RIMKLB: variants seen among roughly 807,000 people sequenced by gnomAD.
RIMKLB encodes ribosomal modification protein rimK like family member B, also known as beta-citrylglutamate synthase B.
Under a neutral mutation model 32.0 loss-of-function variants are expected in RIMKLB, and 7 were observed. The observed-to-expected ratio is 0.22, with a 90% CI of 0.12 to 0.41. The LOEUF (loss-of-function observed/expected upper bound fraction) is 0.41. RIMKLB is among the 10% of genes least tolerant of loss of function. The pLI is 1.00. For missense variants in RIMKLB, 289 were observed against 498.7 expected, an observed-to-expected ratio of 0.58 and a Z score of 4.00; for synonymous variants, 172 against 185.1, an observed-to-expected ratio of 0.93 and a Z score of 0.57.
chr12:8,738,149 T>G (rs1947189248), intron 2 of RIMKLB, among the ~76,000 whole-genome samples: 1 of 152,162 alleles, frequency 6.6e-6, no homozygotes, highest in African/African-American at 2.4e-5. Flanking sequence ...CCTCAGGTGA[T>G]CCCAAGCCGA....
chr12:8,749,385 A>G (rs1168789776), intron 2 of RIMKLB, among the ~76,000 whole-genome samples: 1 of 151,966 alleles, frequency 6.6e-6, no homozygotes, highest in Non-Finnish European at 1.5e-5. Flanking sequence ...TAGTTTTTGT[A>G]TTTTTAGTAG....
At chr12:8,737,467 T>C (rs1337650746) in intron 2 of RIMKLB, among the ~76,000 whole-genome samples, 2 of 152,216 alleles carry the variant, frequency 1.3e-5, no homozygotes, top group African/African-American at 4.8e-5. Flanking sequence ...ATTTGATTAC[T>C]TGGTTAAGGT....
chr12:8,669,062 G>T, the RIMKLB span: 2 of 156,292 alleles, frequency 1.3e-5, no homozygotes, highest in African/African-American at 2.4e-5. Flanking sequence ...CCAAGCCTGG[G>T]TAAGTTATAA....
chr12:8,777,698 C>T (rs1014688651), downstream of RIMKLB: 6 of 1,286,954 alleles, frequency 4.7e-6, no homozygotes, highest in African/African-American at 6.1e-5. Context: ...TGAGAACTTT[C>T]GGGGTCAGTG....
chr12:8,765,548 C>G (rs112624025), intron 5 of RIMKLB, among the ~76,000 whole-genome samples: 5,004 of 152,246 alleles, frequency 0.033, 278 homozygotes, highest in African/African-American at 0.11. Context: ...TTGTAAACCA[C>G]CAATATAGCC....
intron 1 of RIMKLB, among the ~76,000 whole-genome samples, chr12:8,704,637 T>C (rs920556543): frequency 1.3e-5 from 2 of 152,164 alleles, no homozygotes; most frequent in African/African-American, 4.8e-5. Context: ...AGCACGTCTG[T>C]TAAGTGTTCC....
the RIMKLB span, among the ~76,000 whole-genome samples, chr12:8,669,946 G>A: frequency 3.4e-5 from 5 of 145,676 alleles, no homozygotes; most frequent in South Asian, 2.1e-4. Context: ...AGAATGGTGC[G>A]AACCCGGGAG....
chr12:8,741,155 G>A (rs1401149323), intron 2 of RIMKLB, among the ~76,000 whole-genome samples: 5 of 152,054 alleles, frequency 3.3e-5, no homozygotes, highest in Admixed American at 6.6e-5. Context: ...GCAGTGAGCC[G>A]AGACTGAGCC....
rs1950623207 is a variant in RIMKLB, at chr12:8,774,651, G to C, written c.*867G>C. ...CATCTTTAACAATGGCCAAAGTGAA[G>C]AAAATGCTACCTTTTTTGTTAACAA... is the stretch of plus-strand genomic sequence containing the variant. On this transcript the variant is annotated 3_prime_UTR_variant, in exon 6 of 6. Transcript: ENST00000535829. 1 of 981,848 alleles carries C rather than the reference G, an allele frequency of 1.0e-6. No individual in the cohort carries two copies. The highest frequency in any genetic ancestry group is 1.8e-5 in the African/African-American group (1 of 56,058). The allele number at this position is 981,848 out of a possible 1,614,324, so 60.8% of individuals were successfully genotyped here.
rs763452420 is a variant in RIMKLB at position 8,686,026 on chromosome 12, T to C, written n.219+4208T>C. Reference sequence around the variant, plus strand: ...TTTCACCATATTGGCCTGGATGGTCTCGAGCTCTTGACCTTGTGATCCGCC... The same window carrying C: ...TTTCACCATATTGGCCTGGATGGTCCCGAGCTCTTGACCTTGTGATCCGCC... On this transcript the variant is annotated intron_variant and non_coding_transcript_variant, in intron 1 of 1. Transcript: ENST00000538758. Among the ~76,000 whole-genome samples, 337 of 152,260 alleles carry C rather than the reference T, an allele frequency of 2.2e-3. 1 individual carries two copies. Among genetic ancestry groups the C allele is most frequent in the African/African-American group, 7.7e-3 (320 of 41,536 alleles).
At chr12:8,701,108 G>A (rs1943355592) in intron 1 of RIMKLB, among the ~76,000 whole-genome samples, 1 of 152,070 alleles carries the variant, frequency 6.6e-6, no homozygotes, top group Admixed American at 6.6e-5. Flanking sequence ...TAGAATCTGA[G>A]GGAGGAGGAG....
intron 1 of RIMKLB, among the ~76,000 whole-genome samples, chr12:8,686,628 C>G (rs1322198644): frequency 6.6e-6 from 1 of 151,514 alleles, no homozygotes; most frequent in African/African-American, 2.4e-5. Flanking sequence ...TACAGGCGCC[C>G]GCCACCACGC....
chr12:8,707,739 C>T (rs1944024939), intron 1 of RIMKLB, among the ~76,000 whole-genome samples: 1 of 152,170 alleles, frequency 6.6e-6, no homozygotes, highest in Non-Finnish European at 1.5e-5. Context: ...TACAGAAAGA[C>T]ATCATTTTGG....
In RIMKLB at chr12:8,775,033, A is replaced by G. The variant is rs957436077; in HGVS notation, c.*1249A>G. ...TTTCATAAGTAGACTCCACTGGGGT[A>G]GAGGTATTCACCTTAAAACATAGGG... On this transcript the variant is annotated 3_prime_UTR_variant, in exon 6 of 6. Transcript: ENST00000535829. 1.0e-5 allele frequency: 10 copies of G among 985,804 alleles called. No homozygotes were observed. Among genetic ancestry groups the G allele is most frequent in the Non-Finnish European group, 1.2e-5 (10 of 829,862 alleles). The allele number at this position is 985,804 out of a possible 1,614,324, so 61.1% of individuals were successfully genotyped here.
At chr12:8,731,289 G>C (rs1463372709) in intron 2 of RIMKLB, among the ~76,000 whole-genome samples, 1 of 151,092 alleles carries the variant, frequency 6.6e-6, no homozygotes, top group Non-Finnish European at 1.5e-5. Context: ...GTAGAGACAG[G>C]GTTTCGCCAC....
chr12:8,758,105 CATT>C (rs568188199), intron 5 of RIMKLB, among the ~76,000 whole-genome samples: 88 of 152,070 alleles, frequency 5.8e-4, no homozygotes, highest in Non-Finnish European at 9.6e-4. Context: ...CCTGTCATGT[CATT>C]ATTTTAATTT....
chr12:8,764,157 TAAC>T (rs1361428181), intron 5 of RIMKLB, among the ~76,000 whole-genome samples: 1 of 152,142 alleles, frequency 6.6e-6, no homozygotes, highest in African/African-American at 2.4e-5. Flanking sequence ...TTTAGGTCCT[TAAC>T]AATCTTTTGG....
At chr12:8,707,395 G>GA (rs1172412776) in intron 1 of RIMKLB, among the ~76,000 whole-genome samples, 1 of 152,222 alleles carries the variant, frequency 6.6e-6, no homozygotes, top group South Asian at 2.1e-4. Context: ...GGATACAGAT[G>GA]AAAAGGTGCC....
At chr12:8,729,558 A>C (rs752002470) in intron 2 of RIMKLB, among the ~76,000 whole-genome samples, 24 of 152,144 alleles carry the variant, frequency 1.6e-4, no homozygotes, top group African/African-American at 5.8e-4. Context: ...GGGGCAGGCC[A>C]TGGGTGGTTT....
Sources: gnomAD v4.1 joint callset for allele counts (sites outside exome capture counted in the v4.1 genomes callset) on GRCh38, gnomAD v4.1.1 for gene constraint, MANE v1.5 for transcripts, NCBI Gene and HGNC (gene_info 2026-07-23, HGNC 2026-07-21) for gene names.